Variants in MGAT4D observed in about 807,000 individuals in gnomAD.
MGAT4D encodes the protein MGAT4 family member D.
Under a neutral mutation model 15.9 loss-of-function variants are expected in MGAT4D, and 34 were observed. That is an observed-to-expected ratio of 2.14 (90% CI 1.62 to 2.84). The LOEUF is 2.84. MGAT4D is among the 30% of genes most tolerant of loss of function. The probability of loss-of-function intolerance (pLI) is 0.00; values close to 1 mark genes in which losing one functional copy is unlikely to be tolerated. For synonymous variants in MGAT4D, 112 were observed against 48.2 expected, an observed-to-expected ratio of 2.33 and a Z score of -5.49; for missense variants, 327 against 140.2, an observed-to-expected ratio of 2.33 and a Z score of -6.73.
Position 140,459,616 on chromosome 4 carries a change from T to C in MGAT4D, c.773A>G (p.Asp258Gly). Residue 258 changes from aspartate (D) to glycine (G), a missense_variant, in exon 8 of 11, where the codon GAT becomes GGT. Physicochemically the swap from Asp to Gly is moderately conservative, Grantham distance 94. Coordinates refer to ENST00000511113, the MANE Select transcript of MGAT4D (RefSeq NM_001277353.2). ...AAAGTACATCTCTTTAGCTATGATA[T>C]CATCTTCTAGCTGAAAAAAAAAACC... ...KAKYYLQLED[D>G]IIAKEMYFTK... 2.1e-6 allele frequency: 1 copy of C among 471,614 alleles called. No homozygotes were observed. Among genetic ancestry groups the C allele is most frequent in the Non-Finnish European group, 3.8e-6 (1 of 265,722 alleles). The allele number at this position is 471,614 out of a possible 1,614,324, so 29.2% of individuals were successfully genotyped here.
chr4:140,464,263 G>A (rs922686407), intron 6 of MGAT4D, among the ~76,000 whole-genome samples: 1 of 152,084 alleles, frequency 6.6e-6, no homozygotes, highest in Non-Finnish European at 1.5e-5. Flanking sequence ...ATTAAGTTTT[G>A]AGGGACCAAA....
At position 140,451,506 on chromosome 4, in the gene MGAT4D, C is replaced by A; in HGVS notation, c.1020G>T (p.Met340Ile). The A allele has an allele frequency of 1.8e-6, 1 of 563,486 alleles. No homozygotes were observed. The highest frequency in any genetic ancestry group is 3.2e-6 in the Non-Finnish European group (1 of 307,754). The allele number at this position is 563,486 out of a possible 1,614,324, so 34.9% of individuals were successfully genotyped here. The change falls in exon 10 of 11, where the codon ATG (methionine) becomes ATT (isoleucine). Residue 340 changes from methionine to isoleucine, a missense_variant. Met to Ile is a conservative substitution (Grantham distance 10). Transcript: ENST00000511113. ...CDAGEDLRNCMKRKKQIRIQY... is the reference protein window; with the variant it reads ...CDAGEDLRNCIKRKKQIRIQY... ...GAATACGTATTTGCTTCTTTCGTTT[C>A]ATACAGTTTCTCTGGGGAAAAAGAA...
chr4:140,473,818 C>T (rs1447905550), intron 4 of MGAT4D, among the ~76,000 whole-genome samples: 1 of 152,086 alleles, frequency 6.6e-6, no homozygotes, highest in Non-Finnish European at 1.5e-5. Context: ...CCTGCTGCAG[C>T]CTTCCAAGTA....
At chr4:140,488,776 A>T (rs1733313641) in intron 1 of MGAT4D, among the ~76,000 whole-genome samples, 1 of 152,172 alleles carries the variant, frequency 6.6e-6, no homozygotes, top group African/African-American at 2.4e-5. Context: ...TCATGGGGGA[A>T]GATGATCCCT....
At chr4:140,491,811 A>T (rs1459436989) in intron 1 of MGAT4D, among the ~76,000 whole-genome samples, 1 of 152,038 alleles carries the variant, frequency 6.6e-6, no homozygotes, top group Non-Finnish European at 1.5e-5. Flanking sequence ...CTTCCAGAGA[A>T]ATTGAAACCA....
intron 5 of MGAT4D, among the ~76,000 whole-genome samples, chr4:140,465,268 T>C (rs1731458212): frequency 6.6e-6 from 1 of 152,210 alleles, no homozygotes; most frequent in Non-Finnish European, 1.5e-5. Context: ...TTAAAGTTTA[T>C]AGCCAGATGT....
At chr4:140,473,066 G>T (rs1430307855) in intron 4 of MGAT4D, among the ~76,000 whole-genome samples, 1 of 151,896 alleles carries the variant, frequency 6.6e-6, no homozygotes, top group African/African-American at 2.4e-5. Flanking sequence ...TTATATTGAT[G>T]ATATCTTTAT....
Position 140,482,614 on chromosome 4 carries a change from G to A in MGAT4D, c.95-129C>T, listed in dbSNP as rs973559198. The A allele has an allele frequency of 1.2e-5, 5 of 416,530 alleles. No homozygotes were observed. The South Asian group carries it at 1.5e-4, about 13-fold the overall frequency. 25.8% of individuals were successfully genotyped at this position (416,530 alleles called of 1,614,324 possible). On this transcript the variant is annotated intron_variant, in intron 1 of 10. Transcript: ENST00000511113. ...ATAGTACTATATATGTATTATATGT[G>A]TATATATACAGTACTATATACATAT...
intron 1 of MGAT4D, among the ~76,000 whole-genome samples, chr4:140,484,448 G>C (rs955095274): frequency 2.6e-5 from 4 of 152,108 alleles, no homozygotes; most frequent in African/African-American, 9.7e-5. Flanking sequence ...AGCCATTATG[G>C]AACACAATAT....
chr4:140,444,873 CT>C (rs1046783741), intron 10 of MGAT4D, among the ~76,000 whole-genome samples: 67 of 113,572 alleles, frequency 5.9e-4, no homozygotes, highest in African/African-American at 2.0e-3. Flanking sequence ...TCACCAGCAT[CT>C]TTTATTTTTT....
At chr4:140,497,687 G>A (rs1300117591) in intron 1 of MGAT4D, among the ~76,000 whole-genome samples, 1 of 152,176 alleles carries the variant, frequency 6.6e-6, no homozygotes, top group Non-Finnish European at 1.5e-5. Context: ...GGCATGAAGC[G>A]GGGCCTGGTG....
At position 140,464,990 on chromosome 4, in the gene MGAT4D, A is replaced by T. The variant is rs920540533; in HGVS notation, c.592T>A (p.Ser198Thr). ...ATTGAAATGACCTCTAAGGATCCAG[A>T]CCTCACTTGCCTTTTGAATCTATAA... is the stretch of plus-strand genomic sequence containing the variant. ...ITKKFKRQVR[S>T]GSLEVISIPA... Residue 198 changes from serine (S) to threonine (T), a missense_variant, in exon 6 of 11, where the codon TCT (serine) becomes ACT (threonine). Coordinates refer to ENST00000511113, the MANE Select transcript of MGAT4D (RefSeq NM_001277353.2). The T allele has an allele frequency of 1.4e-6, 1 of 702,110 alleles. No individual in the cohort carries two copies. The highest frequency in any genetic ancestry group is 1.7e-5 in the African/African-American group (1 of 57,244). The allele number at this position is 702,110 out of a possible 1,614,324, so 43.5% of individuals were successfully genotyped here.
In MGAT4D at chr4:140,485,810, T is replaced by TAAAAAAAA. The variant is rs61131099; in HGVS notation, c.95-3333_95-3326dup. Among the ~76,000 whole-genome samples the TAAAAAAAA allele has an allele frequency of 2.6e-3, 34 of 13,026 alleles. 13 individuals are homozygous for TAAAAAAAA. The highest frequency in any genetic ancestry group is 7.1e-3 in the East Asian group (2 of 280). 8.5% of individuals were successfully genotyped at this position (13,026 alleles called of 152,430 possible). A position where few individuals can be genotyped will look rare whatever the true frequency, so the allele number is the denominator to read the frequency against. On this transcript the variant is annotated intron_variant, in intron 1 of 10. Transcript: ENST00000511113. ...TGAGCAACAGAGCAAGACCCTGTCT[T>TAAAAAAAA]AAAAAAAAAAAAAAAAAAAAAAAAA...
chr4:140,492,533 C>T (rs149291994), intron 1 of MGAT4D, among the ~76,000 whole-genome samples: 18,244 of 151,604 alleles, frequency 0.12, 1,174 homozygotes, highest in Admixed American at 0.19. Context: ...GAGGCTGAGG[C>T]AGGAGAATTG....
chr4:140,443,719 A>T (rs1315217105), intron 10 of MGAT4D, among the ~76,000 whole-genome samples: 1 of 152,108 alleles, frequency 6.6e-6, no homozygotes. Flanking sequence ...TTATAGTCAG[A>T]TTATCATTAC....
Position 140,474,904 on chromosome 4 carries a change from T to C in MGAT4D, c.434A>G (p.Tyr145Cys), listed in dbSNP as rs1168565259. ...GGTCAGTGTCTGTTTCAGGTAACTA[T>C]AATTTCCTCTGTTAACAGTGGAAAT... is the stretch of plus-strand genomic sequence containing the variant. ...LGISTVNRGN[Y>C]SYLKQTLTSV... Residue 145 changes from tyrosine to cysteine, a missense_variant, in exon 4 of 11, where the codon TAT becomes TGT. Physicochemically the swap from Tyr to Cys is radical, Grantham distance 194. Transcript: ENST00000511113. 2 of 699,118 alleles carry C rather than the reference T, an allele frequency of 2.9e-6. No homozygotes were observed. Among genetic ancestry groups the C allele is most frequent in the East Asian group, 2.7e-5 (1 of 37,036 alleles). 43.3% of individuals were successfully genotyped at this position (699,118 alleles called of 1,614,324 possible).
chr4:140,481,526 C>T (rs1732730144), intron 2 of MGAT4D, among the ~76,000 whole-genome samples: 1 of 152,162 alleles, frequency 6.6e-6, no homozygotes, highest in South Asian at 2.1e-4. Context: ...ATAGTAACAT[C>T]TATTTGTAAT....
intron 5 of MGAT4D, among the ~76,000 whole-genome samples, chr4:140,469,793 G>T (rs1731795704): frequency 6.6e-6 from 1 of 152,204 alleles, no homozygotes; most frequent in Non-Finnish European, 1.5e-5. Context: ...ACTCTCAATA[G>T]TTCTTCCTGG....
chr4:140,458,786 G>C (rs1442497956), intron 8 of MGAT4D: 1 of 152,120 alleles, frequency 6.6e-6, no homozygotes, highest in African/African-American at 2.4e-5. Flanking sequence ...AGTGTATTTT[G>C]AACATATTAG....
Sources: gnomAD v4.1 joint callset for allele counts (sites outside exome capture counted in the v4.1 genomes callset) on GRCh38, gnomAD v4.1.1 for gene constraint, MANE v1.5 for transcripts, NCBI Gene and HGNC (gene_info 2026-07-23, HGNC 2026-07-21) for gene names.